The following C4orf36 variants were observed in gnomAD, a reference collection of about 807,000 sequenced individuals.
C4orf36 encodes chromosome 4 open reading frame 36.
A neutral mutation model predicts 12.2 loss-of-function variants in C4orf36; 11 were observed. That is an observed-to-expected ratio of 0.90 (90% CI 0.57 to 1.49). C4orf36 has a LOEUF of 1.49. Among genes scored for constraint, C4orf36 ranks in the 40% most tolerant of loss-of-function variants. The probability of loss-of-function intolerance (pLI) is 0.00; values close to 1 mark genes in which losing one functional copy is unlikely to be tolerated. For synonymous variants in C4orf36, 54 were observed against 51.3 expected, an observed-to-expected ratio of 1.05 and a Z score of -0.22; for missense variants, 137 against 133.9, an observed-to-expected ratio of 1.02 and a Z score of -0.11.
At chr4:86,922,565 G>A in the C4orf36 span, among the ~76,000 whole-genome samples, 2 of 152,182 alleles carry the variant, frequency 1.3e-5, no homozygotes, top group Non-Finnish European at 2.9e-5. Flanking sequence ...GAGGGCACTA[G>A]AGAGACACTG....
At chr4:86,915,082 T>C in the C4orf36 span, among the ~76,000 whole-genome samples, 2 of 152,172 alleles carry the variant, frequency 1.3e-5, no homozygotes, top group Non-Finnish European at 2.9e-5. Context: ...TCCCTCCCCA[T>C]GCAAACATCC....
chr4:86,936,094 G>C, the C4orf36 span: 1 of 152,192 alleles, frequency 6.6e-6, no homozygotes, highest in Non-Finnish European at 1.5e-5. Flanking sequence ...ACCAGCACCC[G>C]CAAATTGTTA....
the C4orf36 span, among the ~76,000 whole-genome samples, chr4:86,901,291 CTT>C: frequency 1.3e-5 from 2 of 151,652 alleles, no homozygotes; most frequent in East Asian, 3.9e-4. Flanking sequence ...CAATGGTTCT[CTT>C]TTCATTCAGA....
At chr4:86,916,564 C>A in the C4orf36 span, among the ~76,000 whole-genome samples, 67 of 152,048 alleles carry the variant, frequency 4.4e-4, no homozygotes, top group East Asian at 0.01. Flanking sequence ...CAACACTGAC[C>A]CCTGATATGG....
At chr4:86,923,272 G>A in the C4orf36 span, among the ~76,000 whole-genome samples, 4 of 151,470 alleles carry the variant, frequency 2.6e-5, no homozygotes, top group African/African-American at 9.7e-5. Context: ...TTAATTTTTT[G>A]TAGAGATGGG....
Position 86,892,165 on chromosome 4 carries a change from C to G in C4orf36, c.-74+18G>C. 1 of 985,636 alleles carries G rather than the reference C, an allele frequency of 1.0e-6. No individual in the cohort carries two copies. The highest frequency in any genetic ancestry group is 4.7e-5 in the South Asian group (1 of 21,292). The allele number at this position is 985,636 out of a possible 1,614,324, so 61.1% of individuals were successfully genotyped here. On this transcript the variant is annotated intron_variant, in intron 1 of 4. Coordinates refer to ENST00000295898, the MANE Select transcript of C4orf36 (RefSeq NM_144645.4). The stretch of plus-strand genomic sequence containing the variant: ...CCGCGGAGAAGGGAACGGCCTCAGC[C>G]TCGGCTCCTTCCCACACCTGGGCCC...
At chr4:86,900,274 C>T in the C4orf36 span, among the ~76,000 whole-genome samples, 1 of 152,110 alleles carries the variant, frequency 6.6e-6, no homozygotes, top group Non-Finnish European at 1.5e-5. Context: ...CTCAAATGAT[C>T]CACCCACCTC....
At chr4:86,914,486 C>T in the C4orf36 span, 1 of 533,250 alleles carries the variant, frequency 1.9e-6, no homozygotes, top group South Asian at 2.2e-5. Context: ...CTGCAACCTC[C>T]ACCTCTTGGG....
the C4orf36 span, among the ~76,000 whole-genome samples, chr4:86,912,328 T>C: frequency 6.6e-6 from 1 of 152,216 alleles, no homozygotes; most frequent in Non-Finnish European, 1.5e-5. Context: ...GCCGATTGTC[T>C]CTTTTTATTC....
chr4:86,918,990 G>A, the C4orf36 span, among the ~76,000 whole-genome samples: 6 of 152,084 alleles, frequency 3.9e-5, no homozygotes, highest in African/African-American at 1.4e-4. Context: ...GAAGCTGATG[G>A]TGTAATACTC....
At chr4:86,891,347 G>T in intron 2 of C4orf36, 109 bp downstream of exon 2, 1 of 850,648 alleles carries the variant, frequency 1.2e-6, no homozygotes, top group Non-Finnish European at 1.8e-6. Context: ...ACTTCACATA[G>T]CCCAGTATCT....
the C4orf36 span, among the ~76,000 whole-genome samples, chr4:86,910,367 G>A: frequency 2.0e-5 from 3 of 151,980 alleles, no homozygotes; most frequent in Non-Finnish European, 2.9e-5. Flanking sequence ...AGCTGAGATC[G>A]CACCATTGCA....
chr4:86,889,565 T>C (rs1201882763), intron 2 of C4orf36, among the ~76,000 whole-genome samples: 3 of 152,262 alleles, frequency 2.0e-5, no homozygotes, highest in South Asian at 4.1e-4. Flanking sequence ...AACAACCATA[T>C]GAAAGAGGCA....
chr4:86,887,558 G>A (rs371748867), intron 4 of C4orf36, 200 bp downstream of exon 4: 7 of 490,576 alleles, frequency 1.4e-5, no homozygotes, highest in East Asian at 3.1e-5. Context: ...CAGTGCTGTC[G>A]TTTGTGACAC....
At chr4:86,885,375 G>A (rs1311808587) in intron 4 of C4orf36, among the ~76,000 whole-genome samples, 2 of 152,064 alleles carry the variant, frequency 1.3e-5, no homozygotes, top group Admixed American at 6.6e-5. Flanking sequence ...TTATTTCGTT[G>A]AGCAGTGGTT....
chr4:86,882,799 C>T (rs1283476699), intron 4 of C4orf36, among the ~76,000 whole-genome samples: 1 of 152,150 alleles, frequency 6.6e-6, no homozygotes, highest in Non-Finnish European at 1.5e-5. Flanking sequence ...TGCACATGTG[C>T]TTGACTACCT....
the C4orf36 span, chr4:86,914,322 C>G: frequency 6.4e-7 from 1 of 1,570,220 alleles, no homozygotes; most frequent in Non-Finnish European, 8.8e-7. Context: ...CCAGTCAATA[C>G]CTGTGATATG....
chr4:86,926,212 C>T, the C4orf36 span: 1 of 152,286 alleles, frequency 6.6e-6, no homozygotes, highest in African/African-American at 2.4e-5. Flanking sequence ...TTCTAATTTC[C>T]CCTCTTGGGA....
the C4orf36 span, among the ~76,000 whole-genome samples, chr4:86,900,551 G>A: frequency 7.4e-3 from 1,130 of 152,274 alleles, 12 homozygotes; most frequent in African/African-American, 0.026. Flanking sequence ...ACACAGAAAT[G>A]CAAGAGCAAA....
Sources: allele counts gnomAD v4.1 joint callset (sites outside exome capture counted in the v4.1 genomes callset), GRCh38; gene constraint gnomAD v4.1.1; transcripts MANE v1.5; gene names NCBI Gene and HGNC (gene_info 2026-07-23, HGNC 2026-07-21).